PCED1B: variants seen among roughly 807,000 people sequenced by gnomAD.
The protein encoded by PCED1B is PC-esterase domain containing 1B.
For missense variants in PCED1B, 573 were observed against 573.9 expected (o/e 1.00, Z 0.02); for synonymous variants, 251 against 246.1 (o/e 1.02, Z -0.19).
intron 2 of PCED1B, among the ~76,000 whole-genome samples, chr12:47,137,648 G>C (rs1425927167): frequency 2.0e-5 from 3 of 150,030 alleles, no homozygotes; most frequent in Non-Finnish European, 3.0e-5. Context: ...AGGATCACTT[G>C]AGCCTGGAGG....
chr12:47,200,680 A>G (rs7974410), intron 2 of PCED1B, among the ~76,000 whole-genome samples: 31,479 of 152,218 alleles, frequency 0.21, 4,210 homozygotes, highest in Non-Finnish European at 0.3. Context: ...CAGCTCTATC[A>G]TAATTTCCAA....
chr12:47,106,603 G>A (rs1454688273), intron 2 of PCED1B, among the ~76,000 whole-genome samples: 2 of 152,132 alleles, frequency 1.3e-5, no homozygotes, highest in Non-Finnish European at 2.9e-5. Context: ...CAGACTGTAG[G>A]CGTCGAGCCT....
intron 2 of PCED1B, among the ~76,000 whole-genome samples, chr12:47,192,329 AG>A (rs1942470896): frequency 6.6e-6 from 1 of 152,238 alleles, no homozygotes; most frequent in South Asian, 2.1e-4. Context: ...CAGGGAGTTT[AG>A]AAGGCTGAAA....
intron 3 of PCED1B, among the ~76,000 whole-genome samples, chr12:47,224,483 A>T (rs573583796): frequency 6.6e-6 from 1 of 152,364 alleles, no homozygotes; most frequent in Non-Finnish European, 1.5e-5. Context: ...ATTTAAAAAG[A>T]ATTACAAATT....
intron 2 of PCED1B, among the ~76,000 whole-genome samples, chr12:47,110,001 A>G (rs934439391): frequency 6.6e-6 from 1 of 152,186 alleles, no homozygotes; most frequent in Non-Finnish European, 1.5e-5. Context: ...TTAAGTTAGT[A>G]AAATGGAGAT....
At chr12:47,084,519 T>C (rs1262905069) in intron 1 of PCED1B, among the ~76,000 whole-genome samples, 2 of 152,242 alleles carry the variant, frequency 1.3e-5, no homozygotes, top group Middle Eastern at 3.2e-3. Context: ...TCTGTTTCTA[T>C]GGATTTGCCT....
At chr12:47,137,786 A>ACAAAAAACAAT (rs1449040183) in intron 2 of PCED1B, among the ~76,000 whole-genome samples, 5 of 151,816 alleles carry the variant, frequency 3.3e-5, no homozygotes. Context: ...CAAAAAACAA[A>ACAAAAAACAAT]CAAAAAAGAT....
intron 1 of PCED1B, among the ~76,000 whole-genome samples, chr12:47,084,914 T>A (rs547723477): frequency 1.8e-4 from 27 of 152,282 alleles, no homozygotes; most frequent in African/African-American, 6.3e-4. Flanking sequence ...GGCTAGTGAA[T>A]CACTTGAGGT....
intron 2 of PCED1B, among the ~76,000 whole-genome samples, chr12:47,149,650 T>TC (rs1375535312): frequency 6.6e-6 from 1 of 152,224 alleles, no homozygotes; most frequent in African/African-American, 2.4e-5. Flanking sequence ...ACGTGTGAGC[T>TC]CTTTGTTTTA....
At chr12:47,089,478 A>G (rs1243573559) in intron 1 of PCED1B, among the ~76,000 whole-genome samples, 1 of 95,330 alleles carries the variant, frequency 1.0e-5, no homozygotes, top group Non-Finnish European at 2.2e-5. Context: ...ATATATATAT[A>G]TATATATATA....
At chr12:47,200,374 C>T (rs776388918) in intron 2 of PCED1B, among the ~76,000 whole-genome samples, 14 of 152,086 alleles carry the variant, frequency 9.2e-5, no homozygotes, top group Non-Finnish European at 1.8e-4. Flanking sequence ...TAGGGAATTA[C>T]GAACTAAAAC....
rs759140709 is a variant in PCED1B, at chr12:47,235,794, T to A, written c.731T>A (p.Leu244Gln). ...GTGCACCGCTGCCTCTCCCAGCTGC[T>A]GCTGGCCCACGTGGCCGACGCCTGG... ...GRVHRCLSQL[L>Q]LAHVADAWGV... The change falls in exon 4 of 4, where the codon CTG becomes CAG. Residue 244 changes from leucine (L) to glutamine (Q), a missense_variant. By Grantham distance (113) the Leu-to-Gln change is moderately radical. Transcript: ENST00000546455. 6.3e-7 allele frequency: 1 copy of A among 1,584,380 alleles called. No individual in the cohort carries two copies. The highest frequency in any genetic ancestry group is 1.1e-5 in the South Asian group (1 of 87,894).
At chr12:47,091,758 G>A (rs1202726936) in intron 1 of PCED1B, among the ~76,000 whole-genome samples, 1 of 151,882 alleles carries the variant, frequency 6.6e-6, no homozygotes, top group African/African-American at 2.4e-5. Context: ...TTTTCCACTT[G>A]AATGTTGAAT....
chr12:47,192,572 G>A (rs1003730221), intron 2 of PCED1B, among the ~76,000 whole-genome samples: 2 of 152,158 alleles, frequency 1.3e-5, no homozygotes. Flanking sequence ...GGAATTGGAC[G>A]AGGGCAGAGC....
intron 2 of PCED1B, among the ~76,000 whole-genome samples, chr12:47,162,115 G>GA (rs1941402039): frequency 1.3e-5 from 2 of 151,326 alleles, no homozygotes; most frequent in Non-Finnish European, 2.9e-5. Context: ...GCCTGTTGTG[G>GA]GGTGGTGGGG....
At chr12:47,083,258 ACATT>A (rs1178528488) in intron 1 of PCED1B, among the ~76,000 whole-genome samples, 1 of 152,106 alleles carries the variant, frequency 6.6e-6, no homozygotes, top group Non-Finnish European at 1.5e-5. Context: ...AAGGGCTTTC[ACATT>A]CTTTATCTCC....
At chr12:47,221,511 C>T (rs1943477308) in intron 3 of PCED1B, among the ~76,000 whole-genome samples, 1 of 152,166 alleles carries the variant, frequency 6.6e-6, no homozygotes, top group African/African-American at 2.4e-5. Flanking sequence ...TGCCAGGATA[C>T]AGATCAACCT....
Position 47,235,571 on chromosome 12 carries a change from G to A in PCED1B, c.508G>A (p.Glu170Lys), listed in dbSNP as rs775533441. ...LVWNTAMPVG[E>K]EVTGGFLPPK... The stretch of plus-strand genomic sequence containing the variant: ...GTGGAACACGGCCATGCCTGTGGGC[G>A]AGGAAGTCACCGGGGGTTTTCTTCC... The change falls in exon 4 of 4, where the codon GAG becomes AAG. Residue 170 changes from glutamate (E) to lysine (K), a missense_variant. Physicochemically the swap from Glu to Lys is moderately conservative, Grantham distance 56 (BLOSUM62 1). Coordinates refer to ENST00000546455, the MANE Select transcript of PCED1B (RefSeq NM_138371.3). 14 of 1,608,834 alleles carry A rather than the reference G, an allele frequency of 8.7e-6. No homozygotes were observed. The highest frequency in any genetic ancestry group is 2.7e-5 in the African/African-American group (2 of 74,840).
At chr12:47,214,511 G>GA (rs895608626) in intron 2 of PCED1B, among the ~76,000 whole-genome samples, 2 of 151,856 alleles carry the variant, frequency 1.3e-5, no homozygotes, top group African/African-American at 4.8e-5. Flanking sequence ...ATTAACAGGA[G>GA]AAAAAAACAT....
Sources: gnomAD v4.1 joint callset for allele counts (sites outside exome capture counted in the v4.1 genomes callset) on GRCh38, gnomAD v4.1.1 for gene constraint, MANE v1.5 for transcripts, NCBI Gene and HGNC (gene_info 2026-07-23, HGNC 2026-07-21) for gene names.